Variants in FREM1 observed in about 807,000 individuals in gnomAD.
FREM1 encodes the protein FRAS1 related extracellular matrix 1.
In FREM1, 220 loss-of-function variants were observed where a neutral mutation model predicts 210.1. The observed-to-expected ratio is 1.05, with a 90% CI of 0.94 to 1.17. The LOEUF is 1.17. Ranked by LOEUF, FREM1 falls within the 50% of genes most tolerant of loss-of-function variation. The pLI is 0.00. For missense variants in FREM1, 3,454 were observed against 2,675.5 expected, an observed-to-expected ratio of 1.29 and a Z score of -6.42; for synonymous variants, 1,189 against 980.2, an observed-to-expected ratio of 1.21 and a Z score of -3.98.
At position 14,887,840 on chromosome 9, in the gene FREM1, C is replaced by G. The variant is rs1203442011; in HGVS notation, c.-267-18596G>C. 2.6e-5 allele frequency among the ~76,000 whole-genome samples: 4 copies of G among 152,288 alleles called. No homozygotes were observed. In the East Asian group the frequency reaches 7.7e-4, roughly 29 times the overall value. Reference sequence around the variant, plus strand: ...CATAAATATACAGTGATTTAAGTGACATAATGGAGTGCAGTGGCACAATCT... The same window carrying G: ...CATAAATATACAGTGATTTAAGTGAGATAATGGAGTGCAGTGGCACAATCT... On this transcript the variant is annotated intron_variant, in intron 1 of 36. Coordinates refer to ENST00000380880, the MANE Select transcript of FREM1 (RefSeq NM_001379081.2).
At chr9:14,821,791 G>A (rs1371007017) in intron 13 of FREM1, among the ~76,000 whole-genome samples, 1 of 152,224 alleles carries the variant, frequency 6.6e-6, no homozygotes, top group Admixed American at 6.5e-5. Context: ...CTGCTGTAGG[G>A]TGTGCGGGTT....
intron 10 of FREM1, among the ~76,000 whole-genome samples, chr9:14,831,849 T>C (rs924341142): frequency 6.6e-6 from 1 of 152,208 alleles, no homozygotes; most frequent in Non-Finnish European, 1.5e-5. Flanking sequence ...TCTGGCGCCA[T>C]GGCTCGGAGG....
intron 1 of FREM1, among the ~76,000 whole-genome samples, chr9:14,886,363 T>A (rs1364612689): frequency 8.8e-6 from 1 of 113,260 alleles, no homozygotes; most frequent in Admixed American, 1.4e-4. Flanking sequence ...TCCAGCCTGG[T>A]GACAGAGTGA....
In FREM1 at chr9:14,737,202, G is replaced by T; in HGVS notation, c.*194C>A. The T allele has an allele frequency of 2.0e-6, 1 of 512,050 alleles. No homozygotes were observed. The highest frequency in any genetic ancestry group is 3.4e-6 in the Non-Finnish European group (1 of 292,974). The allele number at this position is 512,050 out of a possible 1,614,324, so 31.7% of individuals were successfully genotyped here. On this transcript the variant is annotated 3_prime_UTR_variant, in exon 37 of 37. Transcript: ENST00000380880. Reference sequence around the variant, plus strand: ...TAAAAGGTATTGAGATACAAAAATTGTATCTTATCTTGTAAAAAATATTTA... The same window carrying T: ...TAAAAGGTATTGAGATACAAAAATTTTATCTTATCTTGTAAAAAATATTTA...
Position 14,836,179 on chromosome 9 carries a change from T to C in FREM1, c.1881+5268A>G, listed in dbSNP as rs553685793. 1.4e-4 allele frequency among the ~76,000 whole-genome samples: 22 copies of C among 152,392 alleles called. No individual in the cohort carries two copies. Among genetic ancestry groups the C allele is most frequent in the Admixed American group, 5.9e-4 (9 of 15,302 alleles). ...CAAGTAAAATTTTAGATGGAAATTATCTACCACACCACACTTGTGGGAATT... is the reference window on the plus strand; with the variant it reads ...CAAGTAAAATTTTAGATGGAAATTACCTACCACACCACACTTGTGGGAATT... On this transcript the variant is annotated intron_variant, in intron 10 of 36. Transcript: ENST00000380880. The surrounding 1 kb of genome is among the most constrained non-coding windows in gnomAD (Gnocchi z 4.9).
At chr9:14,831,023 G>T (rs964181060) in intron 10 of FREM1, among the ~76,000 whole-genome samples, 2 of 152,182 alleles carry the variant, frequency 1.3e-5, no homozygotes, top group South Asian at 4.1e-4. Context: ...AAGGCTTGCT[G>T]GGGAGAACTT....
In FREM1 at chr9:14,857,673, G is replaced by C; in HGVS notation, c.708C>G (p.Ser236Arg). The C allele has an allele frequency of 1.2e-6, 2 of 1,613,768 alleles. No individual in the cohort carries two copies. Among genetic ancestry groups the C allele is most frequent in the Non-Finnish European group, 1.7e-6 (2 of 1,179,712 alleles). Residue 236 changes from serine to arginine, a missense_variant, in exon 5 of 37, where the codon AGC (serine) becomes AGG (arginine). Ser to Arg is a moderately radical substitution (Grantham distance 110). Coordinates refer to ENST00000380880, the MANE Select transcript of FREM1 (RefSeq NM_001379081.2). ...GLKKIGSLKV[S>R]CEEFLLMGLR... is the part of the protein sequence containing the mutation. ...GGCCCATCAGCAGGAACTCCTCACAGCTCACTTTGAGGCTTCCTATTTTCT... is the reference window on the plus strand; with the variant it reads ...GGCCCATCAGCAGGAACTCCTCACACCTCACTTTGAGGCTTCCTATTTTCT...
intron 24 of FREM1, among the ~76,000 whole-genome samples, chr9:14,780,058 G>A (rs1849403160): frequency 6.6e-6 from 1 of 152,126 alleles, no homozygotes; most frequent in South Asian, 2.1e-4. Flanking sequence ...TCAATCAGAT[G>A]GTCTTCCAAA....
At chr9:14,860,727 A>ATGCGCATATATATG (rs1461134170) in intron 3 of FREM1, among the ~76,000 whole-genome samples, 2 of 120,110 alleles carry the variant, frequency 1.7e-5, no homozygotes, top group African/African-American at 7.2e-5. Context: ...ACACATATAT[A>ATGCGCATATATATG]CACATATATA....
chr9:14,877,988 G>A (rs544962354), intron 1 of FREM1, among the ~76,000 whole-genome samples: 6 of 152,072 alleles, frequency 3.9e-5, no homozygotes, highest in African/African-American at 9.7e-5. Flanking sequence ...GTGATCCCCC[G>A]GTCCAAGCCA....
At chr9:14,845,227 C>A (rs1219930316) in intron 8 of FREM1, among the ~76,000 whole-genome samples, 1 of 152,138 alleles carries the variant, frequency 6.6e-6, no homozygotes, top group Non-Finnish European at 1.5e-5. Context: ...AAATTTATTT[C>A]TTTTAAACCA....
intron 29 of FREM1, among the ~76,000 whole-genome samples, 163 bp downstream of exon 29, chr9:14,756,211 A>T (rs1005745083): frequency 6.6e-6 from 1 of 152,200 alleles, no homozygotes; most frequent in Non-Finnish European, 1.5e-5. Flanking sequence ...CAAAACCTCA[A>T]ATCCAAACAC....
Position 14,775,884 on chromosome 9 carries a change from T to G in FREM1, c.4762A>C (p.Thr1588Pro). 1 of 1,613,914 alleles carries G rather than the reference T, an allele frequency of 6.2e-7. No homozygotes were observed. The highest frequency in any genetic ancestry group is 8.5e-7 in the Non-Finnish European group (1 of 1,179,808). The change falls in exon 25 of 37, where the codon ACT becomes CCT. Residue 1588 changes from threonine to proline, a missense_variant. Physicochemically the swap from Thr to Pro is conservative, Grantham distance 38. Coordinates refer to ENST00000380880, the MANE Select transcript of FREM1 (RefSeq NM_001379081.2). ...GTGGCCATGAAAGTAAAGCAGTCAG[T>G]CTGGGAGTCCCCTCCTGAGTGCCGA... ...AYRHSGGDSQ[T>P]DCFTFMATDG...
At position 14,792,272 on chromosome 9, in the gene FREM1, G is replaced by GCGCACA. The variant is rs1472365300; in HGVS notation, c.3981+470_3981+471insTGTGCG. 7.7e-5 allele frequency among the ~76,000 whole-genome samples: 11 copies of GCGCACA among 142,244 alleles called. No homozygotes were observed. The East Asian group carries it at 1.5e-3, about 19-fold the overall frequency. The allele number at this position is 142,244 out of a possible 152,430, so 93.3% of individuals were successfully genotyped here. ...GAAATACACACACCCACACACACAC[G>GCGCACA]CACACACACACACACACACACACAC... On this transcript the variant is annotated intron_variant, in intron 22 of 36. Transcript: ENST00000380880.
At chr9:14,818,258 A>G (rs935066121) in intron 14 of FREM1, among the ~76,000 whole-genome samples, 1 of 152,252 alleles carries the variant, frequency 6.6e-6, no homozygotes, top group African/African-American at 2.4e-5. Context: ...AGGGCTCTCT[A>G]TCTAACAGAC....
At chr9:14,895,277 G>A (rs908977736) in intron 1 of FREM1, among the ~76,000 whole-genome samples, 2 of 152,096 alleles carry the variant, frequency 1.3e-5, no homozygotes, top group South Asian at 2.1e-4. Context: ...AAAGCAAATC[G>A]GTCTTACCAT....
chr9:14,910,385 C>A lies in FREM1; in HGVS notation c.-739G>T, dbSNP rs1259130110. 6.6e-6 allele frequency: 1 copy of A among 152,314 alleles called. No homozygotes were observed. Among genetic ancestry groups the A allele is most frequent in the Admixed American group, 6.5e-5 (1 of 15,280 alleles). The allele number at this position is 152,314 out of a possible 1,614,324, so 9.4% of individuals were successfully genotyped here. A position where few individuals can be genotyped will look rare whatever the true frequency, so the allele number is the denominator to read the frequency against. On this transcript the variant is annotated 5_prime_UTR_variant, in exon 1 of 37. Coordinates refer to ENST00000380880, the MANE Select transcript of FREM1 (RefSeq NM_001379081.2). Reference sequence around the variant, plus strand: ...TTGTTAATGAGGTCGGTTGCCTCTTCCCAGTCTCTTCCCAGCTTCCTTTCT... The same window carrying A: ...TTGTTAATGAGGTCGGTTGCCTCTTACCAGTCTCTTCCCAGCTTCCTTTCT...
chr9:14,757,942 A>G (rs1468232331), intron 28 of FREM1, among the ~76,000 whole-genome samples: 2 of 152,178 alleles, frequency 1.3e-5, no homozygotes, highest in Non-Finnish European at 2.9e-5. Flanking sequence ...TATCCACCAT[A>G]TGCTGGAAGT....
At chr9:14,841,612 C>G (rs769047992) in intron 9 of FREM1, 23 bp from the exon 10 acceptor site, 103 of 1,544,690 alleles carry the variant, frequency 6.7e-5, no homozygotes, top group Non-Finnish European at 8.4e-5. Flanking sequence ...TAAAACACCA[C>G]ATACTTTTGT....
Sources: gnomAD v4.1 joint callset for allele counts (sites outside exome capture counted in the v4.1 genomes callset) on GRCh38, gnomAD v4.1.1 for gene constraint, Gnocchi (gnomAD v3.1) non-coding constraint, MANE v1.5 for transcripts, NCBI Gene and HGNC (gene_info 2026-07-23, HGNC 2026-07-21) for gene names.